FYCO1: variants seen among roughly 807,000 people sequenced by gnomAD.
FYCO1 encodes the protein FYVE and coiled-coil domain autophagy adaptor 1.
FYCO1 carries 122 observed loss-of-function variants against 165.1 expected under a neutral mutation model. That is an observed-to-expected ratio of 0.74 (90% CI 0.64 to 0.86). The LOEUF (loss-of-function observed/expected upper bound fraction) is 0.86, where lower values mean the gene tolerates loss of function less well. Ranked by LOEUF, FYCO1 falls within the 40% of genes least tolerant of loss-of-function variation. FYCO1 has a pLI of 0.00. For missense variants in FYCO1, 1,702 were observed against 1,810.3 expected (o/e 0.94, Z 1.09); for synonymous variants, 648 against 742.5 (o/e 0.87, Z 2.07).
intron 1 of FYCO1, among the ~76,000 whole-genome samples, chr3:45,988,789 A>G (rs1707433696): frequency 6.6e-6 from 1 of 152,186 alleles, no homozygotes; most frequent in African/African-American, 2.4e-5. Flanking sequence ...GCATTTTTTA[A>G]AATTCTTATT....
At chr3:45,951,848 C>T (rs1164749757) in intron 14 of FYCO1, among the ~76,000 whole-genome samples, 1 of 152,144 alleles carries the variant, frequency 6.6e-6, no homozygotes. Context: ...CTTTGGGACC[C>T]CTTCCTGACC....
At chr3:45,979,105 C>A (rs957001508) in intron 4 of FYCO1, among the ~76,000 whole-genome samples, 1 of 151,994 alleles carries the variant, frequency 6.6e-6, no homozygotes, top group South Asian at 2.1e-4. Flanking sequence ...CGTGATCTGC[C>A]CGCCTCGGCC....
At chr3:45,976,339 C>T (rs2125863521) in intron 4 of FYCO1, among the ~76,000 whole-genome samples, 1 of 152,330 alleles carries the variant, frequency 6.6e-6, no homozygotes, top group East Asian at 1.9e-4. Flanking sequence ...CAAAGCAGGG[C>T]TCTGTCAGCT....
intron 6 of FYCO1, among the ~76,000 whole-genome samples, chr3:45,970,910 T>C (rs975217865): frequency 2.0e-5 from 3 of 151,822 alleles, no homozygotes; most frequent in African/African-American, 7.2e-5. Flanking sequence ...TATAAAATAT[T>C]TACAAATACA....
intron 5 of FYCO1, 83 bp from the exon 6 acceptor site, chr3:45,973,314 C>G: frequency 1.5e-6 from 2 of 1,347,986 alleles, no homozygotes; most frequent in Non-Finnish European, 2.1e-6. Flanking sequence ...TCTGCCTCAT[C>G]GAATTCCAAC....
At position 45,918,449 on chromosome 3, in the gene FYCO1, G is replaced by A. The variant is rs1472285789; in HGVS notation, c.*3316C>T. The A allele has an allele frequency of 6.6e-6, 1 of 152,146 alleles. No individual in the cohort carries two copies. The highest frequency in any genetic ancestry group is 1.9e-4 in the East Asian group (1 of 5,198). 9.4% of individuals were successfully genotyped at this position (152,146 alleles called of 1,614,324 possible). A position where few individuals can be genotyped will look rare whatever the true frequency, so the allele number is the denominator to read the frequency against. Reference sequence around the variant, plus strand: ...GTAAACAAGAATGGCCGTCTCGATGGTCTTTGTGTACATGACCATCCTTGG... The same window carrying A: ...GTAAACAAGAATGGCCGTCTCGATGATCTTTGTGTACATGACCATCCTTGG... On this transcript the variant is annotated 3_prime_UTR_variant, in exon 18 of 18. Coordinates refer to ENST00000296137, the MANE Select transcript of FYCO1 (RefSeq NM_024513.4).
chr3:45,931,544 G>A (rs1026939938), intron 15 of FYCO1, among the ~76,000 whole-genome samples: 3 of 152,220 alleles, frequency 2.0e-5, no homozygotes, highest in Non-Finnish European at 4.4e-5. Context: ...CTTTGCCTGT[G>A]TGGAGGTTAA....
At chr3:45,931,302 G>C in intron 15 of FYCO1, 21 bp from the exon 16 acceptor site, 1 of 1,610,284 alleles carries the variant, frequency 6.2e-7, no homozygotes, top group Non-Finnish European at 8.5e-7. Context: ...AATACAGAGA[G>C]GGACCTGATT....
rs771180940 is a variant in FYCO1 at position 45,967,078 on chromosome 3, G to C, written c.2256C>G (p.Gly752=). The change falls in exon 8 of 18, where the codon GGC becomes GGG. Residue 752 remains glycine, a synonymous_variant. Transcript: ENST00000296137. ...QLIEVLTAEK[G]QQGVGPPTDN... ...CAGTGGGTGGGCCAACTCCCTGTTG[G>C]CCTTTCTCTGCTGTGAGGACCTCAA... is the stretch of plus-strand genomic sequence containing the variant. The C allele has an allele frequency of 6.2e-7, 1 of 1,613,932 alleles. No individual in the cohort carries two copies. Among genetic ancestry groups the C allele is most frequent in the Non-Finnish European group, 8.5e-7 (1 of 1,180,038 alleles).
At position 45,979,792 on chromosome 3, in the gene FYCO1, C is replaced by G. The variant is rs1706955389; in HGVS notation, c.201G>C (p.Lys67Asn). 6.2e-7 allele frequency: 1 copy of G among 1,613,940 alleles called. No individual in the cohort carries two copies. The highest frequency in any genetic ancestry group is 8.5e-7 in the Non-Finnish European group (1 of 1,179,978). The change falls in exon 4 of 18, where the codon AAG becomes AAC. Residue 67 changes from lysine to asparagine, a missense_variant. Coordinates refer to ENST00000296137, the MANE Select transcript of FYCO1 (RefSeq NM_024513.4). ...CACAGAAGTAATCCCAGTAGTCCTT[C>G]TTGTTGCCCAGGAGGGTGGCCTTCT... ...QKEKATLLGN[K>N]KDYWDYFCAC...
chr3:45,966,746 G>T lies in FYCO1; in HGVS notation c.2588C>A (p.Ala863Asp). 1.2e-6 allele frequency: 2 copies of T among 1,610,930 alleles called. No homozygotes were observed. Among genetic ancestry groups the T allele is most frequent in the Non-Finnish European group, 1.7e-6 (2 of 1,179,936 alleles). Residue 863 changes from alanine (A) to aspartate (D), a missense_variant, in exon 8 of 18, where the codon GCC becomes GAC. By Grantham distance (126) the Ala-to-Asp change is moderately radical. Transcript: ENST00000296137. ...GALQEERADE[A>D]QQREEELRAL... ...CCGCAGCTCCTCCTCCCTCTGCTGG[G>T]CCTCATCGGCCCTCTCCTCCTGCAG...
intron 14 of FYCO1, among the ~76,000 whole-genome samples, chr3:45,944,526 A>AT (rs561111928): frequency 1.3e-4 from 20 of 150,618 alleles, no homozygotes; most frequent in East Asian, 1.9e-4. Context: ...AAAGTTGTAG[A>AT]TTTTTTTTTT....
In FYCO1 at chr3:45,990,968, C is replaced by T. The variant is rs577536839; in HGVS notation, c.-113+4754G>A. ...TTTTTTAAATGTATTTTAGTAGAGA[C>T]GGGGTTTCACCATGTTGGCCAGGAT... is the stretch of plus-strand genomic sequence containing the variant. On this transcript the variant is annotated intron_variant, in intron 1 of 17. Transcript: ENST00000296137. 3.4e-3 allele frequency among the ~76,000 whole-genome samples: 510 copies of T among 152,072 alleles called. 2 individuals carry two copies. The highest frequency in any genetic ancestry group is 8.4e-3 in the African/African-American group (347 of 41,472).
At chr3:45,958,345 A>T in intron 13 of FYCO1, 63 bp downstream of exon 13, 1 of 1,455,404 alleles carries the variant, frequency 6.9e-7, no homozygotes. Flanking sequence ...ACTAGCCACA[A>T]CATCGGTAGG....
rs192949577 is a variant in FYCO1 at position 45,934,833 on chromosome 3, A to T, written c.4040+1615T>A. Among the ~76,000 whole-genome samples, 250 of 152,286 alleles carry T rather than the reference A, an allele frequency of 1.6e-3. 3 individuals are homozygous for T. The Middle Eastern group carries it at 0.017, about 10-fold the overall frequency. On this transcript the variant is annotated intron_variant, in intron 15 of 17. Coordinates refer to ENST00000296137, the MANE Select transcript of FYCO1 (RefSeq NM_024513.4). The stretch of plus-strand genomic sequence containing the variant: ...GACATTTTGGTAGCTTTATCTTTGC[A>T]CCTCCAGTCATTATTTCCTCAGGAT...
In FYCO1 at chr3:45,918,587, C is replaced by A. The variant is rs1047444; in HGVS notation, c.*3178G>T. On this transcript the variant is annotated 3_prime_UTR_variant, in exon 18 of 18. Transcript: ENST00000296137. ...TGTAGAATCATGCGCACTTTTAAAA[C>A]TGAAACTCCTTTAAAATTTCATCAG... 0.84 allele frequency: 127,187 copies of A among 152,108 alleles called. 53,774 individuals are homozygous for A. Among genetic ancestry groups the A allele is most frequent in the East Asian group, 1 (5,173 of 5,178 alleles). 9.4% of individuals were successfully genotyped at this position (152,108 alleles called of 1,614,324 possible).
In FYCO1 at chr3:45,962,445, AG is replaced by A; in HGVS notation, c.3270-54del. ...ATTAGCCAGGACTTCCAGCTTTCCC[AG>A]GGCTCTAAGCTCACCCAGGACTCTA... On this transcript the variant is annotated intron_variant, in intron 10 of 17. Transcript: ENST00000296137. This position sits in a 1 kb window ranked among gnomAD's most constrained non-coding sequence, Gnocchi z 4.4. The A allele has an allele frequency of 6.5e-7, 1 of 1,548,478 alleles. No homozygotes were observed. Among genetic ancestry groups the A allele is most frequent in the South Asian group, 1.1e-5 (1 of 89,672 alleles).
chr3:45,926,962 CAAAA>C (rs35424488), intron 16 of FYCO1, among the ~76,000 whole-genome samples: 35 of 133,460 alleles, frequency 2.6e-4, no homozygotes, highest in Non-Finnish European at 3.4e-4. Context: ...GAAACTGTCT[CAAAA>C]AAAAAAAAAA....
intron 16 of FYCO1, 71 bp from the exon 17 acceptor site, chr3:45,923,836 C>G: frequency 2.9e-6 from 3 of 1,038,280 alleles, no homozygotes; most frequent in South Asian, 1.3e-5. Context: ...CAGGGAAGAC[C>G]CTTTATTTTG....
Sources: allele counts gnomAD v4.1 joint callset (sites outside exome capture counted in the v4.1 genomes callset), GRCh38; gene constraint gnomAD v4.1.1; non-coding constraint Gnocchi (gnomAD v3.1); transcripts MANE v1.5; gene names NCBI Gene and HGNC (gene_info 2026-07-23, HGNC 2026-07-21).